The following GRIP1 variants were observed in gnomAD, a reference collection of about 807,000 sequenced individuals.
The protein encoded by GRIP1 is glutamate receptor interacting protein 1, also known as glutamate receptor-interacting protein 1.
GRIP1 carries 45 observed loss-of-function variants against 129.9 expected under a neutral mutation model. The observed-to-expected ratio is 0.35, with a 90% confidence interval of 0.27 to 0.44. The LOEUF (loss-of-function observed/expected upper bound fraction) is 0.44, where lower values mean the gene tolerates loss of function less well. GRIP1 is among the 20% of genes least tolerant of loss of function. The probability of loss-of-function intolerance (pLI) is 1.00; values close to 1 mark genes in which losing one functional copy is unlikely to be tolerated. For missense variants in GRIP1, 1,196 were observed against 1,396.8 expected (o/e 0.86, Z 2.29); for synonymous variants, 530 against 520.8 (o/e 1.02, Z -0.24).
intron 1 of GRIP1, among the ~76,000 whole-genome samples, chr12:67,029,072 C>A (rs1592488618): frequency 6.6e-6 from 1 of 151,792 alleles, no homozygotes; most frequent in East Asian, 1.9e-4. Flanking sequence ...GGTTCAAGAC[C>A]AGCCTGGGCA....
At chr12:66,629,659 A>G (rs1719972557) in intron 1 of GRIP1, among the ~76,000 whole-genome samples, 1 of 152,236 alleles carries the variant, frequency 6.6e-6, no homozygotes, top group Non-Finnish European at 1.5e-5. Context: ...ATCTGAAACA[A>G]TGTACTAAAA....
chr12:66,919,337 T>G (rs1242151686), intron 1 of GRIP1, among the ~76,000 whole-genome samples: 1 of 152,098 alleles, frequency 6.6e-6, no homozygotes, highest in Admixed American at 6.6e-5. Flanking sequence ...GAGCTAAGAT[T>G]ATTATACTCC....
chr12:66,950,138 T>C (rs2137487006), intron 1 of GRIP1, among the ~76,000 whole-genome samples: 1 of 152,262 alleles, frequency 6.6e-6, no homozygotes, highest in African/African-American at 2.4e-5. Context: ...CTCCATCAAA[T>C]AATTATCAAA....
intron 1 of GRIP1, among the ~76,000 whole-genome samples, chr12:66,859,268 C>G (rs7970699): frequency 9.6e-5 from 1 of 10,402 alleles, no homozygotes; most frequent in Non-Finnish European, 3.6e-4. Flanking sequence ...TGAAAAAAAA[C>G]AAAAAAACAA....
rs546569611 is a variant in GRIP1 at position 66,454,753 on chromosome 12, TAAAGCTGAGCATCCTTCC to T, written c.1354+638_1354+655del. Among the ~76,000 whole-genome samples, 387 of 152,288 alleles carry T rather than the reference TAAAGCTGAGCATCCTTCC, an allele frequency of 2.5e-3. 1 individual carries two copies. The highest frequency in any genetic ancestry group is 0.014 in the Middle Eastern group (4 of 294). ...TTCCTAGACTTTAGGATGCTTATTG[TAAAGCTGAGCATCCTTCC>T]AATCTTCCTTAGGCTGGAGTGGACA... On this transcript the variant is annotated intron_variant, in intron 11 of 24. Coordinates refer to ENST00000359742, the MANE Select transcript of GRIP1 (RefSeq NM_001366722.1).
chr12:66,576,700 AGAT>A (rs2063149732), intron 2 of GRIP1, among the ~76,000 whole-genome samples: 1 of 152,228 alleles, frequency 6.6e-6, no homozygotes, highest in Admixed American at 6.5e-5. Flanking sequence ...GGTACATAAC[AGAT>A]GCTCACTAGT....
chr12:66,649,100 A>G (rs2032593579), intron 1 of GRIP1, among the ~76,000 whole-genome samples: 1 of 152,228 alleles, frequency 6.6e-6, no homozygotes, highest in African/African-American at 2.4e-5. Context: ...CAATAGCTTA[A>G]AAAAAGAATC....
At chr12:66,901,740 C>A (rs1024658671) in intron 1 of GRIP1, among the ~76,000 whole-genome samples, 1 of 152,168 alleles carries the variant, frequency 6.6e-6, no homozygotes, top group African/African-American at 2.4e-5. Context: ...AGTCTCATAT[C>A]CGGTCTGAGG....
At position 66,579,373 on chromosome 12, in the gene GRIP1, G is replaced by A. The variant is rs186465407; in HGVS notation, c.136+17474C>T. Reference sequence around the variant, plus strand: ...AGCACCTCTCCTCCTCCAAAGGATCGCAGTTCCTCACCAGCAATGGAACAA... The same window carrying A: ...AGCACCTCTCCTCCTCCAAAGGATCACAGTTCCTCACCAGCAATGGAACAA... On this transcript the variant is annotated intron_variant, in intron 2 of 24. Transcript: ENST00000359742. Among the ~76,000 whole-genome samples, 665 of 152,312 alleles carry A rather than the reference G, an allele frequency of 4.4e-3. 9 individuals carry two copies. Among genetic ancestry groups the A allele is most frequent in the African/African-American group, 0.015 (617 of 41,562 alleles).
intron 1 of GRIP1, among the ~76,000 whole-genome samples, chr12:66,727,882 G>C (rs2036305850): frequency 6.6e-6 from 1 of 152,096 alleles, no homozygotes; most frequent in Non-Finnish European, 1.5e-5. Flanking sequence ...GCCTTCTGTT[G>C]GAAAAATTCT....
At chr12:66,505,403 G>A (rs138091614) in intron 7 of GRIP1, among the ~76,000 whole-genome samples, 7 of 152,160 alleles carry the variant, frequency 4.6e-5, no homozygotes, top group East Asian at 3.8e-4. Context: ...AACAACCTGC[G>A]TTAGCTTGGA....
chr12:66,827,265 T>C (rs777292708), intron 1 of GRIP1, among the ~76,000 whole-genome samples: 3 of 151,948 alleles, frequency 2.0e-5, no homozygotes, highest in Non-Finnish European at 4.4e-5. Context: ...AGTCTACCTC[T>C]AAGCATACTC....
At chr12:66,954,465 C>G (rs114699300) in intron 1 of GRIP1, among the ~76,000 whole-genome samples, 5,079 of 152,230 alleles carry the variant, frequency 0.033, 184 homozygotes, top group African/African-American at 0.088. Context: ...GCCAAGTGTC[C>G]TGGAACCCCA....
At chr12:66,541,746 T>C (rs2061786932) in intron 3 of GRIP1, 69 bp downstream of exon 3, 4 of 1,516,220 alleles carry the variant, frequency 2.6e-6, no homozygotes, top group Non-Finnish European at 3.7e-6. Context: ...CCACTTTTGA[T>C]GGAGCTTTAA....
At chr12:66,425,325 A>C (rs1185871972) in intron 14 of GRIP1, among the ~76,000 whole-genome samples, 1 of 152,138 alleles carries the variant, frequency 6.6e-6, no homozygotes. Flanking sequence ...AGGAAACAAC[A>C]GGTGCTGGAG....
At chr12:66,731,496 C>T (rs1193186235) in intron 1 of GRIP1, among the ~76,000 whole-genome samples, 1 of 152,114 alleles carries the variant, frequency 6.6e-6, no homozygotes, top group African/African-American at 2.4e-5. Flanking sequence ...TCCAATGAGA[C>T]CTGTTTATAA....
chr12:66,404,875 T>C (rs1224767180), intron 16 of GRIP1, among the ~76,000 whole-genome samples: 1 of 151,960 alleles, frequency 6.6e-6, no homozygotes, highest in Non-Finnish European at 1.5e-5. Context: ...CTACTAAAAA[T>C]ACAACAATTA....
chr12:66,941,788 T>C (rs1421670256), intron 1 of GRIP1, among the ~76,000 whole-genome samples: 4 of 152,240 alleles, frequency 2.6e-5, no homozygotes, highest in African/African-American at 9.6e-5. Flanking sequence ...AACGTAATCA[T>C]GATCCTCCTG....
chr12:66,895,422 C>T (rs762623248), intron 1 of GRIP1, among the ~76,000 whole-genome samples: 5 of 152,160 alleles, frequency 3.3e-5, no homozygotes, highest in African/African-American at 1.2e-4. Flanking sequence ...CTCCCAGCCA[C>T]GTGAAACTGT....
Sources: allele counts gnomAD v4.1 joint callset (sites outside exome capture counted in the v4.1 genomes callset), GRCh38; gene constraint gnomAD v4.1.1; transcripts MANE v1.5; gene names NCBI Gene and HGNC (gene_info 2026-07-23, HGNC 2026-07-21).